Variants in EIPR1 observed in about 807,000 individuals in gnomAD.
EIPR1 encodes EARP and GARP complex-interacting protein 1.
A neutral mutation model predicts 48.1 loss-of-function variants in EIPR1; 25 were observed. That is an observed-to-expected ratio of 0.52 (90% CI 0.38 to 0.73). The LOEUF (loss-of-function observed/expected upper bound fraction) is 0.73. EIPR1 is among the 30% of genes least tolerant of loss of function. EIPR1 has a pLI of 0.00. For missense variants in EIPR1, 415 were observed against 506.2 expected (o/e 0.82, Z 1.73); for synonymous variants, 204 against 201.9 (o/e 1.01, Z -0.09).
intron 3 of EIPR1, among the ~76,000 whole-genome samples, chr2:3,317,572 A>G (rs930835114): frequency 1.3e-5 from 2 of 152,232 alleles, no homozygotes; most frequent in Non-Finnish European, 2.9e-5. Context: ...GTCTAGATAG[A>G]GGCCCCTCCC....
intron 3 of EIPR1, among the ~76,000 whole-genome samples, chr2:3,265,655 C>T (rs186863839): frequency 2.1e-4 from 32 of 152,330 alleles, no homozygotes; most frequent in Admixed American, 1.8e-3. Context: ...GGGCTCAAGG[C>T]TGCCACATAA....
chr2:3,290,884 C>T (rs997390686), intron 3 of EIPR1, among the ~76,000 whole-genome samples: 2 of 152,218 alleles, frequency 1.3e-5, no homozygotes, highest in African/African-American at 4.8e-5. Flanking sequence ...CCGAGCAATG[C>T]AAGAGGAACA....
At chr2:3,211,766 C>G (rs535258038) in intron 5 of EIPR1, among the ~76,000 whole-genome samples, 2 of 152,234 alleles carry the variant, frequency 1.3e-5, no homozygotes, top group South Asian at 2.1e-4. Context: ...CGAATCCTCA[C>G]GCAAGCTTCC....
At position 3,189,257 on chromosome 2, in the gene EIPR1, C is replaced by A; in HGVS notation, c.*77G>T. The A allele has an allele frequency of 7.1e-7, 1 of 1,399,290 alleles. No individual in the cohort carries two copies. The highest frequency in any genetic ancestry group is 2.6e-5 in the East Asian group (1 of 38,902). The allele number at this position is 1,399,290 out of a possible 1,614,324, so 86.7% of individuals were successfully genotyped here. On this transcript the variant is annotated 3_prime_UTR_variant, in exon 9 of 9. Coordinates refer to ENST00000382125, the MANE Select transcript of EIPR1 (RefSeq NM_003310.5). This position sits in a 1 kb window ranked among gnomAD's most constrained non-coding sequence, Gnocchi z 4.6. The stretch of plus-strand genomic sequence containing the variant: ...GATCCACCTGGAACACGAGTCACCT[C>A]CAAAGAGCTGCGACTGTTTGAGAAT...
chr2:3,240,868 A>T (rs1260259177), intron 4 of EIPR1, among the ~76,000 whole-genome samples: 2 of 105,608 alleles, frequency 1.9e-5, no homozygotes, highest in Non-Finnish European at 4.3e-5. Context: ...ATCCCTCCTA[A>T]AGCAAAGCCA....
intron 2 of EIPR1, among the ~76,000 whole-genome samples, chr2:3,351,831 G>C (rs977922002): frequency 1.3e-5 from 2 of 152,254 alleles, no homozygotes; most frequent in Admixed American, 1.3e-4. Flanking sequence ...AGTTACCTGT[G>C]GTCAAGTGTA....
At chr2:3,364,288 A>G (rs551422984) in intron 1 of EIPR1, among the ~76,000 whole-genome samples, 76 of 152,340 alleles carry the variant, frequency 5.0e-4, no homozygotes, top group African/African-American at 1.8e-3. Context: ...ATGAATGGAT[A>G]AAGAAAATGT....
At chr2:3,256,539 G>A (rs1028868970) in intron 4 of EIPR1, among the ~76,000 whole-genome samples, 1 of 152,312 alleles carries the variant, frequency 6.6e-6, no homozygotes, top group South Asian at 2.1e-4. Context: ...TAGAACTGAC[G>A]AGACAGAAGT....
At chr2:3,331,408 C>T in intron 3 of EIPR1, among the ~76,000 whole-genome samples, 1 of 39,856 alleles carries the variant, frequency 2.5e-5, no homozygotes. Context: ...TGTGTATACA[C>T]TCATGAGATG....
At chr2:3,194,695 AAGGGGGGG>A (rs1664747367) in intron 6 of EIPR1, among the ~76,000 whole-genome samples, 2 of 150,078 alleles carry the variant, frequency 1.3e-5, no homozygotes, top group South Asian at 2.1e-4. Flanking sequence ...GAGAGAGAGA[AAGGGGGGG>A]GCAGTGGGGA....
chr2:3,200,772 C>G (rs1424195916), intron 5 of EIPR1, among the ~76,000 whole-genome samples: 6 of 152,088 alleles, frequency 3.9e-5, no homozygotes, highest in Non-Finnish European at 1.5e-5. Flanking sequence ...CTGGTAGGCT[C>G]ACCAAGGCAG....
intron 3 of EIPR1, among the ~76,000 whole-genome samples, chr2:3,279,293 T>C (rs1414558930): frequency 1.3e-5 from 2 of 152,228 alleles, no homozygotes; most frequent in African/African-American, 4.8e-5. Flanking sequence ...CACACTGGAA[T>C]ATCAAAAACA....
intron 4 of EIPR1, among the ~76,000 whole-genome samples, chr2:3,227,887 G>A (rs1666116575): frequency 6.6e-6 from 1 of 152,236 alleles, no homozygotes; most frequent in Non-Finnish European, 1.5e-5. Flanking sequence ...GCCCGTGGGT[G>A]AAAAGAAGTC....
intron 5 of EIPR1, among the ~76,000 whole-genome samples, chr2:3,198,908 G>C (rs926664371): frequency 6.6e-6 from 1 of 152,026 alleles, no homozygotes. Flanking sequence ...TCTTAACAGG[G>C]TTCAAGAGCA....
intron 3 of EIPR1, among the ~76,000 whole-genome samples, chr2:3,279,021 A>G (rs1667942461): frequency 6.6e-6 from 1 of 152,190 alleles, no homozygotes; most frequent in African/African-American, 2.4e-5. Flanking sequence ...CATCTGCTTG[A>G]CATCAAACTA....
At chr2:3,271,881 A>T (rs996409506) in intron 3 of EIPR1, among the ~76,000 whole-genome samples, 3 of 152,166 alleles carry the variant, frequency 2.0e-5, no homozygotes, top group African/African-American at 7.2e-5. Context: ...GTCCTAGATG[A>T]CTTATACTCT....
chr2:3,230,152 T>TC (rs1430164980), intron 4 of EIPR1, among the ~76,000 whole-genome samples: 2 of 3,530 alleles, frequency 5.7e-4, no homozygotes, highest in Non-Finnish European at 0.016. Flanking sequence ...GAAAATTTTA[T>TC]TTTTTTTTAT....
intron 3 of EIPR1, among the ~76,000 whole-genome samples, chr2:3,264,619 T>C (rs549839847): frequency 6.6e-6 from 1 of 152,208 alleles, no homozygotes; most frequent in Admixed American, 6.5e-5. Context: ...CACGTGCGAG[T>C]TCACATGACA....
intron 1 of EIPR1, among the ~76,000 whole-genome samples, chr2:3,366,282 T>C (rs1670972743): frequency 6.6e-6 from 1 of 152,160 alleles, no homozygotes; most frequent in African/African-American, 2.4e-5. Context: ...CACTCCAGCC[T>C]GGGTGACAGC....
Sources: gnomAD v4.1 joint callset for allele counts (sites outside exome capture counted in the v4.1 genomes callset) on GRCh38, gnomAD v4.1.1 for gene constraint, Gnocchi (gnomAD v3.1) non-coding constraint, MANE v1.5 for transcripts, NCBI Gene and HGNC (gene_info 2026-07-23, HGNC 2026-07-21) for gene names.